Variants in ATP5F1D observed in about 807,000 individuals in gnomAD.
ATP5F1D encodes ATP synthase F(1) complex subunit delta, mitochondrial.
A neutral mutation model predicts 13.0 loss-of-function variants in ATP5F1D; 16 were observed. The observed-to-expected ratio is 1.23, with a 90% CI of 0.83 to 1.87. The LOEUF (loss-of-function observed/expected upper bound fraction) is 1.87. ATP5F1D is among the 40% of genes most tolerant of loss of function. ATP5F1D has a pLI of 0.00. For synonymous variants in ATP5F1D, 129 were observed against 116.2 expected, an observed-to-expected ratio of 1.11 and a Z score of -0.71; for missense variants, 294 against 246.2, an observed-to-expected ratio of 1.19 and a Z score of -1.30.
chr19:1,243,785 G>A (rs2081048990), intron 2 of ATP5F1D, among the ~76,000 whole-genome samples: 1 of 152,234 alleles, frequency 6.6e-6, no homozygotes, highest in Admixed American at 6.5e-5. Flanking sequence ...AACTCAGCTT[G>A]CCTTTGGCCC....
At position 1,244,645 on chromosome 19, in the gene ATP5F1D, T is replaced by C; in HGVS notation, c.*208T>C. 1.3e-6 allele frequency: 1 copy of C among 768,996 alleles called. No individual in the cohort carries two copies. The highest frequency in any genetic ancestry group is 2.0e-6 in the Non-Finnish European group (1 of 496,976). 47.6% of individuals were successfully genotyped at this position (768,996 alleles called of 1,614,324 possible). On this transcript the variant is annotated 3_prime_UTR_variant, in exon 4 of 4. Transcript: ENST00000215375. ...GGGCCAGGGAAGCTCCTCCTCAGCT[T>C]TGAGCTGTGGCTGCCACCCATGGGG... is the stretch of plus-strand genomic sequence containing the variant.
At position 1,242,436 on chromosome 19, in the gene ATP5F1D, C is replaced by A. The variant is rs1235863654; in HGVS notation, c.142-20C>A. 6 of 1,496,940 alleles carry A rather than the reference C, an allele frequency of 4.0e-6. No homozygotes were observed. The highest frequency in any genetic ancestry group is 4.5e-6 in the Non-Finnish European group (5 of 1,115,256). 92.7% of individuals were successfully genotyped at this position (1,496,940 alleles called of 1,614,324 possible). On this transcript the variant is annotated intron_variant, in intron 1 of 3. Transcript: ENST00000215375. ...GGGGCCGGCCTGCCCCGCCATCATTCCCCACGCTGTTGTCTGCAGGTGTTC... is the reference window on the plus strand; with the variant it reads ...GGGGCCGGCCTGCCCCGCCATCATTACCCACGCTGTTGTCTGCAGGTGTTC...
chr19:1,242,172 C>A (rs1265517189), intron 1 of ATP5F1D, 181 bp downstream of exon 1: 29 of 904,990 alleles, frequency 3.2e-5, no homozygotes, highest in Non-Finnish European at 4.1e-5. Context: ...GCCCTCGTCC[C>A]GGGCACCTCC....
chr19:1,242,088 C>T (rs922790781), intron 1 of ATP5F1D, 97 bp downstream of exon 1: 2 of 1,248,432 alleles, frequency 1.6e-6, no homozygotes, highest in East Asian at 3.1e-5. Flanking sequence ...GGCCCCCGGA[C>T]CCGCGCGCCC....
Position 1,242,549 on chromosome 19 carries a change from G to A in ATP5F1D, c.235G>A (p.Val79Ile). 2 of 1,547,104 alleles carry A rather than the reference G, an allele frequency of 1.3e-6. No homozygotes were observed. The highest frequency in any genetic ancestry group is 1.7e-6 in the Non-Finnish European group (2 of 1,145,090). ...ILAAHVPTLQ[V>I]LRPGLVVVHA... is the part of the protein sequence containing the mutation. ...GGCGGCCCACGTGCCCACGCTGCAG[G>A]TCCTGCGGCCGGGGCTGGTCGTGGT... The change falls in exon 2 of 4, where the codon GTC becomes ATC. Residue 79 changes from valine (V) to isoleucine (I), a missense_variant. Coordinates refer to ENST00000215375, the MANE Select transcript of ATP5F1D (RefSeq NM_001687.5).
In ATP5F1D at chr19:1,242,551, C is replaced by A. The variant is rs763009132; in HGVS notation, c.237C>A (p.Val79=). ...ILAAHVPTLQ[V]LRPGLVVVHA... ...CGGCCCACGTGCCCACGCTGCAGGT[C>A]CTGCGGCCGGGGCTGGTCGTGGTGC... The change falls in exon 2 of 4, where the codon GTC becomes GTA. Residue 79 remains valine, a synonymous_variant. Coordinates refer to ENST00000215375, the MANE Select transcript of ATP5F1D (RefSeq NM_001687.5). The A allele has an allele frequency of 2.6e-6, 4 of 1,546,918 alleles. No homozygotes were observed. The South Asian group carries it at 4.8e-5, about 19-fold the overall frequency.
intron 2 of ATP5F1D, among the ~76,000 whole-genome samples, chr19:1,243,649 C>G (rs1392032049): frequency 6.6e-6 from 1 of 152,146 alleles, no homozygotes; most frequent in Non-Finnish European, 1.5e-5. Flanking sequence ...AGAGTGAGAC[C>G]CTGTGCCAAA....
chr19:1,242,119 C>T (rs1263974317), intron 1 of ATP5F1D, 128 bp downstream of exon 1: 5 of 1,180,726 alleles, frequency 4.2e-6, no homozygotes, highest in South Asian at 2.8e-5. Flanking sequence ...GGCTACTCAG[C>T]CCTGGACCCT....
Position 1,244,364 on chromosome 19 carries a change from C to A in ATP5F1D, c.434C>A (p.Ala145Asp), listed in dbSNP as rs989928611. 6.3e-7 allele frequency: 1 copy of A among 1,585,732 alleles called. No homozygotes were observed. Among genetic ancestry groups the A allele is most frequent in the Non-Finnish European group, 8.6e-7 (1 of 1,166,420 alleles). The part of the protein sequence containing the change: ...EKAQAELVGT[A>D]DEATRAEIQI... ...GCCCAGGCGGAGCTGGTGGGGACAG[C>A]TGACGAGGCCACGCGGGCAGAGATC... Residue 145 changes from alanine to aspartate, a missense_variant, in exon 4 of 4, where the codon GCT becomes GAT. Coordinates refer to ENST00000215375, the MANE Select transcript of ATP5F1D (RefSeq NM_001687.5).
chr19:1,244,375 A>C lies in ATP5F1D; in HGVS notation c.445A>C (p.Thr149Pro). ...AELVGTADEA[T>P]RAEIQIRIEA... is the part of the protein sequence containing the mutation. ...GCTGGTGGGGACAGCTGACGAGGCCACGCGGGCAGAGATCCAGATCCGAAT... is the reference window on the plus strand; with the variant it reads ...GCTGGTGGGGACAGCTGACGAGGCCCCGCGGGCAGAGATCCAGATCCGAAT... The change falls in exon 4 of 4, where the codon ACG (threonine) becomes CCG (proline). Residue 149 changes from threonine (T) to proline (P), a missense_variant. By Grantham distance (38) the Thr-to-Pro change is conservative (BLOSUM62 -1). Coordinates refer to ENST00000215375, the MANE Select transcript of ATP5F1D (RefSeq NM_001687.5). The C allele has an allele frequency of 6.3e-7, 1 of 1,579,468 alleles. No homozygotes were observed. The highest frequency in any genetic ancestry group is 8.6e-7 in the Non-Finnish European group (1 of 1,162,926).
At chr19:1,242,822 C>T (rs1411709880) in intron 2 of ATP5F1D, 2 of 472,202 alleles carry the variant, frequency 4.2e-6, no homozygotes, top group Non-Finnish European at 6.8e-6. Context: ...GTAACCCCGT[C>T]TCTTCTAAAA....
intron 1 of ATP5F1D, 163 bp downstream of exon 1, chr19:1,242,154 C>G (rs941522180): frequency 1.0e-6 from 1 of 986,324 alleles, no homozygotes; most frequent in Admixed American, 4.3e-5. Context: ...CTGCCCGAGC[C>G]CTGCGCTGCC....
intron 2 of ATP5F1D, 140 bp from the exon 3 acceptor site, chr19:1,243,949 CCTGTGGGT>C (rs2081049673): frequency 1.3e-6 from 1 of 784,240 alleles, no homozygotes; most frequent in African/African-American, 1.7e-5. Context: ...CAGGGCCAGT[CCTGTGGGT>C]CTGTTTGCAC....
rs375567045 is a variant in ATP5F1D at position 1,244,082 on chromosome 19, G to A, written c.296-15G>A. Reference sequence around the variant, plus strand: ...CTTTGGGGTCTCACGCCTTCCCCCCGCCCCATTCCCCCAGTGAGCAGCGGT... The same window carrying A: ...CTTTGGGGTCTCACGCCTTCCCCCCACCCCATTCCCCCAGTGAGCAGCGGT... On this transcript the variant is annotated splice_polypyrimidine_tract_variant and intron_variant, in intron 2 of 3. Coordinates refer to ENST00000215375, the MANE Select transcript of ATP5F1D (RefSeq NM_001687.5). 1.0e-4 allele frequency: 164 copies of A among 1,603,708 alleles called. 2 individuals carry two copies. The highest frequency in any genetic ancestry group is 2.7e-4 in the South Asian group (24 of 89,500).
intron 2 of ATP5F1D, chr19:1,243,262 A>G (rs150019798): frequency 6.6e-6 from 1 of 152,524 alleles, no homozygotes; most frequent in African/African-American, 2.4e-5. Flanking sequence ...TCATGCCTGT[A>G]ATCTCAGCAC....
intron 1 of ATP5F1D, chr19:1,242,198 C>T: frequency 1.3e-6 from 1 of 793,824 alleles, no homozygotes; most frequent in Non-Finnish European, 1.7e-6. Flanking sequence ...ATAAGCGTCT[C>T]CTGGGTGCCC....
In ATP5F1D at chr19:1,242,497, C is replaced by T. The variant is rs373064475; in HGVS notation, c.183C>T (p.Pro61=). The change falls in exon 2 of 4, where the codon CCC becomes CCT. Residue 61 remains proline, a synonymous_variant. Coordinates refer to ENST00000215375, the MANE Select transcript of ATP5F1D (RefSeq NM_001687.5). ...CCAACGTCCGGCAGGTGGACGTGCC[C>T]ACGCTGACCGGAGCCTTCGGCATCC... ...NGANVRQVDV[P]TLTGAFGILA... is the part of the protein sequence containing the mutation. 2.3e-4 allele frequency: 359 copies of T among 1,554,600 alleles called. No homozygotes were observed. The highest frequency in any genetic ancestry group is 1.5e-3 in the Middle Eastern group (7 of 4,614).
intron 1 of ATP5F1D, 107 bp from the exon 2 acceptor site, chr19:1,242,346 ACAT>A (rs1332906705): frequency 3.1e-6 from 4 of 1,287,072 alleles, no homozygotes; most frequent in Non-Finnish European, 4.1e-6. Context: ...TCAGTGCCTC[ACAT>A]CAGCGCCAGG....
Position 1,244,088 on chromosome 19 carries a change from T to C in ATP5F1D, c.296-9T>C. ...GGTCTCACGCCTTCCCCCCGCCCCA[T>C]TCCCCCAGTGAGCAGCGGTTCCATC... On this transcript the variant is annotated splice_polypyrimidine_tract_variant and intron_variant, in intron 2 of 3. Transcript: ENST00000215375. The C allele has an allele frequency of 1.2e-6, 2 of 1,607,278 alleles. No individual in the cohort carries two copies. Among genetic ancestry groups the C allele is most frequent in the East Asian group, 4.5e-5 (2 of 44,444 alleles).
Sources: allele counts gnomAD v4.1 joint callset (sites outside exome capture counted in the v4.1 genomes callset), GRCh38; gene constraint gnomAD v4.1.1; transcripts MANE v1.5; gene names NCBI Gene and HGNC (gene_info 2026-07-23, HGNC 2026-07-21).